LONRF1: variants seen among roughly 807,000 people sequenced by gnomAD.
LONRF1 encodes the protein LON peptidase N-terminal domain and RING finger protein 1.
LONRF1 carries 37 observed loss-of-function variants against 85.8 expected under a neutral mutation model. The observed-to-expected ratio is 0.43, with a 90% CI of 0.33 to 0.57. The LOEUF (loss-of-function observed/expected upper bound fraction) is 0.57. Ranked by LOEUF, LONRF1 falls within the 20% of genes least tolerant of loss-of-function variation. LONRF1 has a pLI of 0.04. For synonymous variants in LONRF1, 517 were observed against 390.1 expected (o/e 1.33, Z -3.83); for missense variants, 1,036 against 978.0 (o/e 1.06, Z -0.79).
rs779097963 is a variant in LONRF1 at position 12,736,686 on chromosome 8, G to C, written c.1451+15C>G. The C allele has an allele frequency of 6.5e-7, 1 of 1,548,116 alleles. No individual in the cohort carries two copies. The highest frequency in any genetic ancestry group is 2.3e-5 in the East Asian group (1 of 44,324). On this transcript the variant is annotated intron_variant, in intron 6 of 11. Transcript: ENST00000398246. ...ACATAAAATATTCATCTTCTATAAAGTTTTATATGCTTACCTCATGCAGAG... is the reference window on the plus strand; with the variant it reads ...ACATAAAATATTCATCTTCTATAAACTTTTATATGCTTACCTCATGCAGAG...
intron 8 of LONRF1, among the ~76,000 whole-genome samples, chr8:12,731,127 C>A (rs962253436): frequency 6.6e-6 from 1 of 152,108 alleles, no homozygotes; most frequent in Admixed American, 6.5e-5. Context: ...CAATGCCTGG[C>A]CCTGCCTACC....
intron 1 of LONRF1, chr8:12,753,735 C>T (rs1799506560): frequency 6.6e-6 from 1 of 152,250 alleles, no homozygotes; most frequent in Admixed American, 6.5e-5. Flanking sequence ...CCTTTCAGCG[C>T]CTAAAACCAC....
Position 12,738,141 on chromosome 8 carries a change from A to C in LONRF1, c.967T>G (p.Leu323Val), listed in dbSNP as rs1226920078. Reference protein sequence around the residue: ...APAKLQVQKILCDLLLPENLK... With the variant: ...APAKLQVQKIVCDLLLPENLK... ...TTTTCAGGTAATAATAAATCACATA[A>C]AATCTGTAAGAGAAATATTAAAAGT... Residue 323 changes from leucine to valine, a missense_variant, in exon 4 of 12, where the codon TTA (leucine) becomes GTA (valine). This residue lies in a region of LONRF1 where 742 missense variants were observed against 614.4 expected (regional missense o/e 1.21). Transcript: ENST00000398246. 6.5e-7 allele frequency: 1 copy of C among 1,540,414 alleles called. No individual in the cohort carries two copies. Among genetic ancestry groups the C allele is most frequent in the South Asian group, 1.2e-5 (1 of 81,530 alleles).
chr8:12,744,433 T>G (rs1304989010), intron 1 of LONRF1, among the ~76,000 whole-genome samples: 1 of 152,212 alleles, frequency 6.6e-6, no homozygotes, highest in Non-Finnish European at 1.5e-5. Context: ...TATTGTGTCT[T>G]GTGCTTCTTA....
chr8:12,725,710 C>T lies in LONRF1; in HGVS notation c.2163+17G>A. ...TATAAAAAAGTGACTTTTGGAAGAA[C>T]AGAAAAGCCACCATACCTGAAGGTT... On this transcript the variant is annotated intron_variant, in intron 11 of 11. Transcript: ENST00000398246. 1 of 1,594,448 alleles carries T rather than the reference C, an allele frequency of 6.3e-7. No homozygotes were observed. Among genetic ancestry groups the T allele is most frequent in the Non-Finnish European group, 8.6e-7 (1 of 1,167,514 alleles).
intron 8 of LONRF1, among the ~76,000 whole-genome samples, chr8:12,730,910 A>G (rs1312813035): frequency 6.6e-6 from 1 of 152,216 alleles, no homozygotes; most frequent in African/African-American, 2.4e-5. Context: ...AAATCAATGG[A>G]AACAAAAAGT....
At position 12,729,162 on chromosome 8, in the gene LONRF1, CA is replaced by C; in HGVS notation, c.1847+11del. Reference sequence around the variant, plus strand: ...ACATAAATACAAATATTTAGGTTCACAAAAAGCATACCTATTTTGTGTATCA... The same window carrying C: ...ACATAAATACAAATATTTAGGTTCACAAAAGCATACCTATTTTGTGTATCA... On this transcript the variant is annotated intron_variant, in intron 9 of 11. Transcript: ENST00000398246. 6.2e-7 allele frequency: 1 copy of C among 1,613,582 alleles called. No homozygotes were observed. Among genetic ancestry groups the C allele is most frequent in the South Asian group, 1.1e-5 (1 of 91,024 alleles).
rs971720253 is a variant in LONRF1 at position 12,755,115 on chromosome 8, C to T, written c.306G>A (p.Gly102=). 1 of 1,459,826 alleles carries T rather than the reference C, an allele frequency of 6.9e-7. No individual in the cohort carries two copies. Among genetic ancestry groups the T allele is most frequent in the Non-Finnish European group, 9.0e-7 (1 of 1,110,396 alleles). The allele number at this position is 1,459,826 out of a possible 1,614,324, so 90.4% of individuals were successfully genotyped here. The change falls in exon 1 of 12, where the codon GGG becomes GGA. Residue 102 remains glycine, a synonymous_variant. Transcript: ENST00000398246. ...CLVFNYRLRH[G]LGWSAAPVAG... is the part of the protein sequence containing the mutation. The stretch of plus-strand genomic sequence containing the variant: ...CAACCGGGGCCGCGCTCCAGCCCAG[C>T]CCGTGGCGGAGCCGGTAGTTGAACA...
chr8:12,746,767 T>C (rs1198977073), intron 1 of LONRF1, among the ~76,000 whole-genome samples: 4 of 152,234 alleles, frequency 2.6e-5, no homozygotes, highest in African/African-American at 7.2e-5. Context: ...CCCATGATCA[T>C]ACAGCTAGTA....
At chr8:12,729,462 G>A in intron 8 of LONRF1, 130 bp from the exon 9 acceptor site, 2 of 912,550 alleles carry the variant, frequency 2.2e-6, no homozygotes, top group East Asian at 5.4e-5. Context: ...TTCTAAATAA[G>A]GTGGTTTTTA....
intron 1 of LONRF1, among the ~76,000 whole-genome samples, chr8:12,746,448 AGTT>A (rs1316241593): frequency 5.3e-5 from 8 of 152,038 alleles, no homozygotes; most frequent in Non-Finnish European, 1.5e-5. Context: ...TATCTTGATA[AGTT>A]TTTATCATCC....
chr8:12,725,673 C>T, intron 11 of LONRF1, 54 bp downstream of exon 11: 2 of 1,556,144 alleles, frequency 1.3e-6, no homozygotes, highest in South Asian at 1.2e-5. Context: ...TAGAAGTGTG[C>T]AAATTTGGGT....
chr8:12,754,674 G>A, intron 1 of LONRF1, 26 bp downstream of exon 1: 3 of 1,324,744 alleles, frequency 2.3e-6, no homozygotes, highest in South Asian at 2.1e-5. Flanking sequence ...GGTCGGCCCG[G>A]CCCCGCCGCA....
In LONRF1 at chr8:12,735,107, T is replaced by C. The variant is rs534760375; in HGVS notation, c.1566+179A>G. On this transcript the variant is annotated intron_variant, in intron 7 of 11. Coordinates refer to ENST00000398246, the MANE Select transcript of LONRF1 (RefSeq NM_152271.5). Reference sequence around the variant, plus strand: ...GCATCTGTCTTCTTTCTCCCCATCCTCTTCAACCTCACTTTTCTCCAACAT... The same window carrying C: ...GCATCTGTCTTCTTTCTCCCCATCCCCTTCAACCTCACTTTTCTCCAACAT... Among the ~76,000 whole-genome samples the C allele has an allele frequency of 1.1e-4, 17 of 152,288 alleles. No homozygotes were observed. In the South Asian group the frequency reaches 3.5e-3, roughly 32 times the overall value.
At chr8:12,745,845 A>C (rs1376759431) in intron 1 of LONRF1, among the ~76,000 whole-genome samples, 1 of 152,184 alleles carries the variant, frequency 6.6e-6, no homozygotes, top group Non-Finnish European at 1.5e-5. Flanking sequence ...TAAATCACTT[A>C]ATATCTCTGG....
chr8:12,727,338 G>C (rs1185510548), intron 10 of LONRF1: 1 of 150,120 alleles, frequency 6.7e-6, no homozygotes, highest in Non-Finnish European at 1.5e-5. Context: ...GAACTTTACT[G>C]TGATAATTTT....
At chr8:12,749,072 G>A (rs532954270) in intron 1 of LONRF1, among the ~76,000 whole-genome samples, 2 of 152,162 alleles carry the variant, frequency 1.3e-5, no homozygotes, top group Non-Finnish European at 2.9e-5. Context: ...TGTGAGGATT[G>A]AATAAGATAA....
chr8:12,743,818 A>C (rs1799037299), intron 1 of LONRF1, among the ~76,000 whole-genome samples: 2 of 151,564 alleles, frequency 1.3e-5, no homozygotes, highest in South Asian at 2.1e-4. Context: ...TCAGCTTTTA[A>C]GAGATCGAAT....
intron 1 of LONRF1, among the ~76,000 whole-genome samples, chr8:12,749,841 A>G (rs1022801539): frequency 6.6e-6 from 1 of 152,190 alleles, no homozygotes; most frequent in African/African-American, 2.4e-5. Flanking sequence ...CCCATTTTCT[A>G]GGGATTTTCA....
Sources: gnomAD v4.1 joint callset for allele counts (sites outside exome capture counted in the v4.1 genomes callset) on GRCh38, gnomAD v4.1.1 for gene constraint, gnomAD v4.1.1 regional missense constraint, MANE v1.5 for transcripts, NCBI Gene and HGNC (gene_info 2026-07-23, HGNC 2026-07-21) for gene names.